The following DNAH14 variants were observed in gnomAD, a reference collection of about 807,000 sequenced individuals.
DNAH14 encodes the protein axonemal beta dynein heavy chain 14.
In DNAH14, 478 loss-of-function variants were observed where a neutral mutation model predicts 520.9. The ratio of observed to expected loss-of-function variants is 0.92; its 90% CI spans 0.85 to 0.99. The LOEUF is 0.99. DNAH14 is among the 50% of genes least tolerant of loss of function. The pLI is 0.00. For synonymous variants in DNAH14, 1,581 were observed against 1,757.2 expected (o/e 0.90, Z 2.51); for missense variants, 4,831 against 5,234.5 (o/e 0.92, Z 2.38).
chr1:225,116,221 G>T (rs187526127), intron 23 of DNAH14, among the ~76,000 whole-genome samples: 1 of 152,290 alleles, frequency 6.6e-6, no homozygotes, highest in Admixed American at 6.5e-5. Flanking sequence ...AGAGGACAGA[G>T]GGTGAAGGGC....
rs1230311457 is a variant in DNAH14 at position 225,276,999 on chromosome 1, A to AAGGGAGGG, written c.8179-387_8179-380dup. The stretch of plus-strand genomic sequence containing the variant: ...GAAGGAAGGAAGGGAGGGAGGAAGG[A>AAGGGAGGG]AGGGAGGGAGGGAGGGAGGGAGGGA... On this transcript the variant is annotated intron_variant, in intron 53 of 85. Transcript: ENST00000682510. Among the ~76,000 whole-genome samples the AAGGGAGGG allele has an allele frequency of 5.3e-3, 223 of 41,688 alleles. 10 individuals are homozygous for AAGGGAGGG. Among genetic ancestry groups the AAGGGAGGG allele is most frequent in the African/African-American group, 7.0e-3 (65 of 9,298 alleles). 27.3% of individuals were successfully genotyped at this position (41,688 alleles called of 152,430 possible).
chr1:225,324,443 A>G (rs1228405588), intron 63 of DNAH14, 90 bp downstream of exon 63: 1 of 1,471,798 alleles, frequency 6.8e-7, no homozygotes, highest in Non-Finnish European at 9.1e-7. Context: ...ACTCAAATGA[A>G]CTTGAGTGGA....
At position 225,322,772 on chromosome 1, in the gene DNAH14, T is replaced by A; in HGVS notation, c.9444T>A (p.Thr3148=). Residue 3148 remains threonine (T), a synonymous_variant, in exon 62 of 86, where the codon ACT becomes ACA. Coordinates refer to ENST00000682510, the MANE Select transcript of DNAH14 (RefSeq NM_001367479.1). ...CGGCAAAGTTACTTCTTTCAGAAACTGGTTTCCTGAAAAAATTGATTAACC... is the reference window on the plus strand; with the variant it reads ...CGGCAAAGTTACTTCTTTCAGAAACAGGTTTCCTGAAAAAATTGATTAACC... ...WATAKLLLSE[T]GFLKKLINLD... 6.4e-7 allele frequency: 1 copy of A among 1,551,888 alleles called. No individual in the cohort carries two copies. The highest frequency in any genetic ancestry group is 8.7e-7 in the Non-Finnish European group (1 of 1,146,990).
chr1:225,341,388 G>A (rs776689882), intron 69 of DNAH14, among the ~76,000 whole-genome samples: 5 of 152,328 alleles, frequency 3.3e-5, no homozygotes, highest in Non-Finnish European at 5.9e-5. Flanking sequence ...TTGGGAGGCC[G>A]AAGCAGGTGG....
intron 38 of DNAH14, among the ~76,000 whole-genome samples, chr1:225,202,699 T>G (rs1436642118): frequency 2.6e-5 from 4 of 152,218 alleles, no homozygotes; most frequent in African/African-American, 7.2e-5. Context: ...CCCTGAGTTC[T>G]GACCAGGAGA....
chr1:225,293,820 G>GT lies in DNAH14; in HGVS notation c.8469+3748dup, dbSNP rs79189946. Reference sequence around the variant, plus strand: ...TTGTACTTCTGAACTTAAAATAAAAGTTTTTTTTTTAAAAAAAGAGTTTTT... The same window carrying GT: ...TTGTACTTCTGAACTTAAAATAAAAGTTTTTTTTTTTAAAAAAAGAGTTTTT... On this transcript the variant is annotated intron_variant, in intron 55 of 85. Coordinates refer to ENST00000682510, the MANE Select transcript of DNAH14 (RefSeq NM_001367479.1). Among the ~76,000 whole-genome samples, 230 of 151,004 alleles carry GT rather than the reference G, an allele frequency of 1.5e-3. 2 individuals are homozygous for GT. Among genetic ancestry groups the GT allele is most frequent in the Middle Eastern group, 6.8e-3 (2 of 292 alleles).
At chr1:225,212,936 G>A (rs1364912687) in intron 41 of DNAH14, among the ~76,000 whole-genome samples, 1 of 152,032 alleles carries the variant, frequency 6.6e-6, no homozygotes, top group African/African-American at 2.4e-5. Flanking sequence ...GTCAATTTTG[G>A]CTTTTGTTGC....
At chr1:225,129,917 C>A (rs1425517054) in intron 27 of DNAH14, among the ~76,000 whole-genome samples, 1 of 152,174 alleles carries the variant, frequency 6.6e-6, no homozygotes, top group African/African-American at 2.4e-5. Flanking sequence ...GCAACCTACT[C>A]ATCAGACAAA....
intron 71 of DNAH14, among the ~76,000 whole-genome samples, chr1:225,347,302 CAGTTG>C (rs1475050429): frequency 6.6e-6 from 1 of 152,116 alleles, no homozygotes; most frequent in Non-Finnish European, 1.5e-5. Flanking sequence ...CTCTAGAGAT[CAGTTG>C]AGAAGCTACA....
intron 84 of DNAH14, chr1:225,397,817 A>C (rs2150920043): frequency 6.6e-6 from 1 of 152,252 alleles, no homozygotes; most frequent in Admixed American, 6.5e-5. Flanking sequence ...AGGCGAAGAG[A>C]GACGGATCAC....
chr1:224,931,534 TGA>T (rs2058699715), intron 1 of DNAH14, among the ~76,000 whole-genome samples: 1 of 152,184 alleles, frequency 6.6e-6, no homozygotes, highest in East Asian at 1.9e-4. Context: ...TATATCTTAC[TGA>T]GTCTTTGTAC....
At chr1:225,017,313 T>TA (rs1246136489) in intron 10 of DNAH14, among the ~76,000 whole-genome samples, 1 of 152,258 alleles carries the variant, frequency 6.6e-6, no homozygotes, top group Non-Finnish European at 1.5e-5. Flanking sequence ...GAGCATGTAG[T>TA]AAAAGTTGTA....
chr1:224,985,142 T>C (rs1055109132), intron 8 of DNAH14, among the ~76,000 whole-genome samples: 3 of 152,174 alleles, frequency 2.0e-5, no homozygotes, highest in Non-Finnish European at 4.4e-5. Context: ...AAAGAAGTTA[T>C]TATTCGAAAA....
At position 225,018,785 on chromosome 1, in the gene DNAH14, T is replaced by C. The variant is rs542986128; in HGVS notation, c.1108-4830T>C. 4.6e-5 allele frequency among the ~76,000 whole-genome samples: 7 copies of C among 152,266 alleles called. No homozygotes were observed. The South Asian group carries it at 1.5e-3, about 32-fold the overall frequency. On this transcript the variant is annotated intron_variant, in intron 10 of 85. Coordinates refer to ENST00000682510, the MANE Select transcript of DNAH14 (RefSeq NM_001367479.1). ...AGGAAAGAAATTCCAACCAAAAATG[T>C]CATATCCCACCAAACTAAGCTTCAT... is the stretch of plus-strand genomic sequence containing the variant.
intron 60 of DNAH14, among the ~76,000 whole-genome samples, chr1:225,313,214 T>C (rs1331935107): frequency 6.6e-6 from 1 of 152,224 alleles, no homozygotes; most frequent in Non-Finnish European, 1.5e-5. Flanking sequence ...TCTTCTAGAT[T>C]TTCTAGTTTA....
intron 8 of DNAH14, among the ~76,000 whole-genome samples, chr1:224,988,023 C>T (rs1385083384): frequency 6.6e-6 from 1 of 152,124 alleles, no homozygotes; most frequent in African/African-American, 2.4e-5. Flanking sequence ...GCCCAGCATG[C>T]ATTAGCTATT....
intron 25 of DNAH14, among the ~76,000 whole-genome samples, chr1:225,118,735 T>C (rs1287333364): frequency 9.2e-5 from 14 of 151,762 alleles, no homozygotes; most frequent in Admixed American, 9.2e-4. Flanking sequence ...ATACAAAAAT[T>C]AGCTGATCGT....
At chr1:225,227,117 C>G (rs769574805) in intron 41 of DNAH14, among the ~76,000 whole-genome samples, 19 of 151,944 alleles carry the variant, frequency 1.3e-4, no homozygotes, top group Non-Finnish European at 2.4e-4. Context: ...CCTCTTATCT[C>G]AACTGCAAAG....
In DNAH14 at chr1:225,322,609, G is replaced by A. The variant is rs991603503; in HGVS notation, c.9336-55G>A. The A allele has an allele frequency of 1.1e-5, 15 of 1,391,492 alleles. No homozygotes were observed. The Admixed American group carries it at 2.2e-4, about 21-fold the overall frequency. 86.2% of individuals were successfully genotyped at this position (1,391,492 alleles called of 1,614,324 possible). The stretch of plus-strand genomic sequence containing the variant: ...TATATTGTCTTCTGAGATATTTACA[G>A]GGTGCATTTCATTTTTAATTGTGAA... On this transcript the variant is annotated intron_variant, in intron 61 of 85. Coordinates refer to ENST00000682510, the MANE Select transcript of DNAH14 (RefSeq NM_001367479.1).
Sources: gnomAD v4.1 joint callset for allele counts (sites outside exome capture counted in the v4.1 genomes callset) on GRCh38, gnomAD v4.1.1 for gene constraint, MANE v1.5 for transcripts, NCBI Gene and HGNC (gene_info 2026-07-23, HGNC 2026-07-21) for gene names.